Variants in CLIP1 observed in about 807,000 individuals in gnomAD.
CLIP1 encodes the protein CAP-Gly domain containing linker protein 1, also known as CAP-Gly domain-containing linker protein 1.
Under a neutral mutation model 161.6 loss-of-function variants are expected in CLIP1, and 66 were observed. That is an observed-to-expected ratio of 0.41 (90% CI 0.33 to 0.50). The LOEUF is 0.50. Ranked by LOEUF, CLIP1 falls within the 20% of genes least tolerant of loss-of-function variation. CLIP1 has a pLI of 0.27. For missense variants in CLIP1, 1,376 were observed against 1,702.0 expected (o/e 0.81, Z 3.37); for synonymous variants, 598 against 626.2 (o/e 0.96, Z 0.67).
intron 12 of CLIP1, among the ~76,000 whole-genome samples, chr12:122,335,460 A>T (rs1042181653): frequency 6.6e-6 from 1 of 151,804 alleles, no homozygotes; most frequent in Non-Finnish European, 1.5e-5. Context: ...AAGGCAAGGC[A>T]TCCTAAAAGC....
intron 9 of CLIP1, among the ~76,000 whole-genome samples, chr12:122,348,489 T>C (rs554018334): frequency 6.8e-4 from 104 of 152,322 alleles, no homozygotes; most frequent in Non-Finnish European, 1.2e-3. Context: ...CCTAAGGTGA[T>C]TCAAAACCTG....
intron 10 of CLIP1, among the ~76,000 whole-genome samples, chr12:122,344,435 A>G (rs1211634146): frequency 1.2e-5 from 1 of 86,396 alleles, no homozygotes; most frequent in Non-Finnish European, 2.5e-5. Context: ...AATTTGCTAA[A>G]TAAAAGAAAA....
intron 3 of CLIP1, among the ~76,000 whole-genome samples, chr12:122,368,444 A>C (rs975898110): frequency 6.6e-6 from 1 of 152,192 alleles, no homozygotes; most frequent in African/African-American, 2.4e-5. Flanking sequence ...TACAAACAGG[A>C]AACAGAAACA....
rs563881435 is a variant in CLIP1 at position 122,360,941 on chromosome 12, G to C, written c.1005+18C>G. Reference sequence around the variant, plus strand: ...CCTGCCTGGGAAGTGGAGGCAGGTAGTGAGAAAGGGGCCTTACTAGTCCTG... The same window carrying C: ...CCTGCCTGGGAAGTGGAGGCAGGTACTGAGAAAGGGGCCTTACTAGTCCTG... On this transcript the variant is annotated intron_variant, in intron 5 of 25. Transcript: ENST00000620786. 1 of 1,591,674 alleles carries C rather than the reference G, an allele frequency of 6.3e-7. No individual in the cohort carries two copies. Among genetic ancestry groups the C allele is most frequent in the South Asian group, 1.1e-5 (1 of 89,818 alleles).
chr12:122,405,718 G>A (rs1234229062), intron 1 of CLIP1, among the ~76,000 whole-genome samples: 1 of 151,506 alleles, frequency 6.6e-6, no homozygotes, highest in African/African-American at 2.4e-5. Context: ...AGCAAGGGAG[G>A]CAGAGGTTGC....
intron 18 of CLIP1, among the ~76,000 whole-genome samples, chr12:122,318,681 G>A (rs963523164): frequency 2.0e-5 from 3 of 152,200 alleles, no homozygotes; most frequent in Non-Finnish European, 2.9e-5. Context: ...GTTGGTATGA[G>A]CTAGGAGGGT....
At chr12:122,392,204 A>G (rs1339857925) in intron 1 of CLIP1, among the ~76,000 whole-genome samples, 1 of 152,162 alleles carries the variant, frequency 6.6e-6, no homozygotes, top group African/African-American at 2.4e-5. Flanking sequence ...CCATGAGGCC[A>G]AGACTGCAGT....
At position 122,279,011 on chromosome 12, in the gene CLIP1, C is replaced by T. The variant is rs1427643412; in HGVS notation, c.3765+17G>A. The T allele has an allele frequency of 1.2e-6, 2 of 1,609,686 alleles. No homozygotes were observed. Among genetic ancestry groups the T allele is most frequent in the African/African-American group, 2.7e-5 (2 of 74,706 alleles). ...GGAGGCCGCGTGAAAGCTCGTGCAC[C>T]CTGGGTGGTACTCTACCTCATTTCT... On this transcript the variant is annotated intron_variant, in intron 22 of 25. Coordinates refer to ENST00000620786, the MANE Select transcript of CLIP1 (RefSeq NM_001247997.2). The surrounding 1 kb of genome is among the most constrained non-coding windows in gnomAD (Gnocchi z 4.5).
intron 10 of CLIP1, among the ~76,000 whole-genome samples, chr12:122,345,125 C>T (rs571328224): frequency 3.1e-4 from 47 of 151,836 alleles, no homozygotes; most frequent in Admixed American, 9.2e-4. Context: ...TTGTATTTCC[C>T]GGATCAATTA....
At chr12:122,414,592 G>A (rs776995835) in intron 1 of CLIP1, among the ~76,000 whole-genome samples, 6 of 152,110 alleles carry the variant, frequency 3.9e-5, no homozygotes, top group Non-Finnish European at 5.9e-5. Context: ...AGTCTCCCAA[G>A]TAGGTGGGAT....
intron 3 of CLIP1, among the ~76,000 whole-genome samples, chr12:122,370,986 A>G (rs1226035299): frequency 2.7e-5 from 4 of 149,716 alleles, no homozygotes; most frequent in African/African-American, 5.0e-5. Flanking sequence ...AAAAAAAATC[A>G]CCTCTTCTAA....
intron 5 of CLIP1, among the ~76,000 whole-genome samples, chr12:122,356,738 CCT>C (rs2136503057): frequency 3.4e-5 from 1 of 29,418 alleles, no homozygotes; most frequent in East Asian, 5.2e-4. Context: ...AGCCTCCCTG[CCT>C]GATTCTCCTG....
intron 20 of CLIP1, among the ~76,000 whole-genome samples, chr12:122,293,166 G>A (rs1015427079): frequency 6.6e-5 from 10 of 152,002 alleles, no homozygotes; most frequent in African/African-American, 1.2e-4. Context: ...AAAAATGACC[G>A]AAAGATGTGA....
chr12:122,414,375 C>T (rs538823658), intron 1 of CLIP1, among the ~76,000 whole-genome samples: 1 of 152,148 alleles, frequency 6.6e-6, no homozygotes, highest in South Asian at 2.1e-4. Flanking sequence ...ATCTCAAACT[C>T]CTGGACTCAA....
rs61954396 is a variant in CLIP1, at chr12:122,312,688, C to G, written c.3474-2806G>C. 2.9e-4 allele frequency among the ~76,000 whole-genome samples: 44 copies of G among 152,186 alleles called. No individual in the cohort carries two copies. In the East Asian group the frequency reaches 4.4e-3, roughly 15 times the overall value. ...CTGGGGTGGCATGATGAATTAAACC[C>G]GGGAGGTGGTGGCTGCAGTGAGCTG... On this transcript the variant is annotated intron_variant, in intron 19 of 25. Coordinates refer to ENST00000620786, the MANE Select transcript of CLIP1 (RefSeq NM_001247997.2).
At chr12:122,383,294 A>C (rs1955088328) in intron 1 of CLIP1, among the ~76,000 whole-genome samples, 1 of 152,228 alleles carries the variant, frequency 6.6e-6, no homozygotes, top group East Asian at 1.9e-4. Context: ...TGCACACAAC[A>C]GGGAGCTGTT....
At chr12:122,418,048 C>A (rs553728953) in intron 1 of CLIP1, among the ~76,000 whole-genome samples, 1 of 152,110 alleles carries the variant, frequency 6.6e-6, no homozygotes, top group Non-Finnish European at 1.5e-5. Context: ...GTACTTTATA[C>A]TTTCCCTTCT....
chr12:122,415,555 AC>A (rs1956721488), intron 1 of CLIP1, among the ~76,000 whole-genome samples: 1 of 151,772 alleles, frequency 6.6e-6, no homozygotes, highest in Non-Finnish European at 1.5e-5. Flanking sequence ...ACAGTGGCTC[AC>A]GCCTGTAATC....
intron 7 of CLIP1, among the ~76,000 whole-genome samples, chr12:122,353,500 G>C (rs1953154321): frequency 6.6e-6 from 1 of 152,154 alleles, no homozygotes; most frequent in East Asian, 1.9e-4. Context: ...CTGTGTCCTA[G>C]CTACTTGGGA....
Sources: gnomAD v4.1 joint callset for allele counts (sites outside exome capture counted in the v4.1 genomes callset) on GRCh38, gnomAD v4.1.1 for gene constraint, Gnocchi (gnomAD v3.1) non-coding constraint, MANE v1.5 for transcripts, NCBI Gene and HGNC (gene_info 2026-07-23, HGNC 2026-07-21) for gene names.